Variants in TMIGD3 observed in about 807,000 individuals in gnomAD.
The protein encoded by TMIGD3 is transmembrane and immunoglobulin domain containing 3, also known as AD026 protein (AD026).
Under a neutral mutation model 28.1 loss-of-function variants are expected in TMIGD3, and 21 were observed. The observed-to-expected ratio is 0.75, with a 90% CI of 0.53 to 1.08. The LOEUF is 1.08. Ranked by LOEUF, TMIGD3 falls within the 50% of genes least tolerant of loss-of-function variation. The probability of loss-of-function intolerance (pLI) is 0.00; values close to 1 mark genes in which losing one functional copy is unlikely to be tolerated. For synonymous variants in TMIGD3, 151 were observed against 162.1 expected (o/e 0.93, Z 0.52); for missense variants, 416 against 435.6 (o/e 0.96, Z 0.40).
At position 111,499,143 on chromosome 1, in the gene TMIGD3, A is replaced by G. The variant is rs143813689; in HGVS notation, c.350+3862T>C. 7.2e-5 allele frequency among the ~76,000 whole-genome samples: 11 copies of G among 152,192 alleles called. No homozygotes were observed. The East Asian group carries it at 1.9e-3, about 27-fold the overall frequency. On this transcript the variant is annotated intron_variant, in intron 1 of 5. Coordinates refer to ENST00000369716, the MANE Select transcript of TMIGD3 (RefSeq NM_020683.7). ...ACAAAAGAAAAGAAAAGGGCTCAACAAATAATAGCTATCCATTGTCTCTTT... is the reference window on the plus strand; with the variant it reads ...ACAAAAGAAAAGAAAAGGGCTCAACGAATAATAGCTATCCATTGTCTCTTT...
Position 111,483,557 on chromosome 1 carries a change from T to G in TMIGD3, c.*130A>C. The G allele has an allele frequency of 1.2e-6, 1 of 804,972 alleles. No homozygotes were observed. The highest frequency in any genetic ancestry group is 2.1e-6 in the Non-Finnish European group (1 of 478,396). The allele number at this position is 804,972 out of a possible 1,614,324, so 49.9% of individuals were successfully genotyped here. ...CCGTTGCTACCTGGCTGCAAATGAT[T>G]GTTGTCAAGGATAGAGGGTCCTTCA... On this transcript the variant is annotated 3_prime_UTR_variant, in exon 6 of 6. Transcript: ENST00000369716.
At chr1:111,501,055 C>T (rs1471539863) in intron 1 of TMIGD3, 1 of 162,030 alleles carries the variant, frequency 6.2e-6, no homozygotes, top group Admixed American at 6.0e-5. Context: ...TGAGATTCAT[C>T]TAAGTCTCCT....
intron 1 of TMIGD3, among the ~76,000 whole-genome samples, chr1:111,534,361 A>C (rs930317502): frequency 6.6e-6 from 1 of 152,198 alleles, no homozygotes; most frequent in Admixed American, 6.5e-5. Flanking sequence ...CAAAACGACA[A>C]TCTTGGCATC....
chr1:111,485,428 G>A (rs1388225083), intron 5 of TMIGD3: 2 of 285,858 alleles, frequency 7.0e-6, no homozygotes, highest in Non-Finnish European at 1.3e-5. Flanking sequence ...TTCGACAGGA[G>A]CCCGAAGTTT....
chr1:111,504,091 A>ACAG, upstream of TMIGD3: 1 of 985,444 alleles, frequency 1.0e-6, no homozygotes, highest in Non-Finnish European at 1.2e-6. Flanking sequence ...TTTGCTGAGC[A>ACAG]CAGCCGATAC....
chr1:111,563,842 T>G (rs1270923239), intron 1 of TMIGD3: 2 of 1,611,044 alleles, frequency 1.2e-6, no homozygotes, highest in Non-Finnish European at 1.7e-6. Flanking sequence ...CTGCTATGAC[T>G]CACTGTGACT....
chr1:111,487,868 ATCACGGCTCACTGCAGCC>A (rs1317050339), intron 3 of TMIGD3, among the ~76,000 whole-genome samples: 23 of 152,202 alleles, frequency 1.5e-4, no homozygotes, highest in African/African-American at 4.1e-4. Context: ...CAGTGGTGCA[ATCACGGCTCACTGCAGCC>A]TCAACCTCCC....
chr1:111,502,480 A>G (rs28651435), intron 1 of TMIGD3, among the ~76,000 whole-genome samples: 3,906 of 131,748 alleles, frequency 0.03, 186 homozygotes, highest in Non-Finnish European at 0.033. Context: ...TTATTATAAT[A>G]AATATATATA....
At chr1:111,563,489 G>A (rs911586404) in intron 1 of TMIGD3, among the ~76,000 whole-genome samples, 4 of 152,114 alleles carry the variant, frequency 2.6e-5, no homozygotes, top group African/African-American at 7.2e-5. Context: ...CGGGAGAAAC[G>A]AGCCTGAGTT....
chr1:111,545,359 T>G (rs185337619), intron 1 of TMIGD3, among the ~76,000 whole-genome samples: 1 of 152,262 alleles, frequency 6.6e-6, no homozygotes, highest in East Asian at 1.9e-4. Flanking sequence ...TAATTTGCAT[T>G]TGTGTAATGA....
upstream of TMIGD3, among the ~76,000 whole-genome samples, chr1:111,507,011 G>A (rs905129478): frequency 7.8e-5 from 4 of 51,002 alleles, no homozygotes; most frequent in African/African-American, 1.3e-4. Context: ...ACACACATAT[G>A]TGTGTGTGTG....
chr1:111,541,035 A>G (rs530936990), intron 1 of TMIGD3, among the ~76,000 whole-genome samples: 1 of 152,082 alleles, frequency 6.6e-6, no homozygotes, highest in South Asian at 2.1e-4. Context: ...TGCTGCATAC[A>G]CTCCACCTAG....
chr1:111,521,599 GC>G (rs1457336258), intron 1 of TMIGD3, among the ~76,000 whole-genome samples: 1 of 152,060 alleles, frequency 6.6e-6, no homozygotes, highest in Admixed American at 6.6e-5. Context: ...TAAATTTTGT[GC>G]CCATTTTTCT....
chr1:111,489,870 T>A, intron 2 of TMIGD3: 6 of 540,232 alleles, frequency 1.1e-5, no homozygotes, highest in Non-Finnish European at 1.4e-5. Flanking sequence ...AATGAGGAAG[T>A]CACGCACACC....
intron 1 of TMIGD3, among the ~76,000 whole-genome samples, chr1:111,528,057 A>G (rs1571437948): frequency 2.0e-5 from 3 of 152,082 alleles, no homozygotes; most frequent in African/African-American, 7.2e-5. Flanking sequence ...TTGGAGTTGT[A>G]TATAAAAACG....
intron 2 of TMIGD3, chr1:111,490,433 A>G (rs1654600825): frequency 1.8e-6 from 1 of 557,318 alleles, no homozygotes; most frequent in Admixed American, 3.1e-5. Flanking sequence ...CAGAGTCATC[A>G]TTTTAGTCAA....
chr1:111,503,391 A>G lies in TMIGD3; in HGVS notation c.-37T>C, dbSNP rs780160555. The G allele has an allele frequency of 7.0e-6, 11 of 1,570,086 alleles. No homozygotes were observed. Among genetic ancestry groups the G allele is most frequent in the Non-Finnish European group, 9.5e-6 (11 of 1,154,264 alleles). On this transcript the variant is annotated 5_prime_UTR_variant, in exon 1 of 6. Coordinates refer to ENST00000369716, the MANE Select transcript of TMIGD3 (RefSeq NM_020683.7). ...AGGGGAACCTCCACAGGGACAGGTG[A>G]GCCAGCAAGATCCGTCTGTAGGGCC...
upstream of TMIGD3, among the ~76,000 whole-genome samples, chr1:111,505,665 C>T (rs972404176): frequency 6.6e-6 from 1 of 152,120 alleles, no homozygotes; most frequent in African/African-American, 2.4e-5. Context: ...CCATTCCTAC[C>T]GCTGCACCCA....
intron 1 of TMIGD3, among the ~76,000 whole-genome samples, chr1:111,549,918 G>T (rs181245798): frequency 2.0e-5 from 3 of 152,170 alleles, no homozygotes; most frequent in Non-Finnish European, 2.9e-5. Context: ...CTACCAAAGT[G>T]CTGGAATTAC....
Sources: allele counts gnomAD v4.1 joint callset (sites outside exome capture counted in the v4.1 genomes callset), GRCh38; gene constraint gnomAD v4.1.1; transcripts MANE v1.5; gene names NCBI Gene and HGNC (gene_info 2026-07-23, HGNC 2026-07-21).